ZNF90: variants seen among roughly 807,000 people sequenced by gnomAD.
ZNF90 encodes the protein zinc finger protein 90.
In ZNF90, 11 loss-of-function variants were observed where a neutral mutation model predicts 12.0. The observed-to-expected ratio is 0.92, with a 90% CI of 0.58 to 1.52. ZNF90 has a LOEUF of 1.52. Ranked by LOEUF, ZNF90 falls within the 40% of genes most tolerant of loss-of-function variation. ZNF90 has a pLI of 0.00. For synonymous variants in ZNF90, 232 were observed against 240.1 expected (o/e 0.97, Z 0.31); for missense variants, 765 against 711.5 (o/e 1.08, Z -0.86).
intron 3 of ZNF90, among the ~76,000 whole-genome samples, chr19:20,106,001 C>T (rs1317551644): frequency 1.4e-5 from 2 of 139,180 alleles, no homozygotes; most frequent in Non-Finnish European, 3.1e-5. Flanking sequence ...AATCTATAGA[C>T]ATAAAATATT....
chr19:20,119,581 G>A lies in ZNF90; in HGVS notation c.*221G>A. ...ATTCATACTGGACGGAAACTCTACA[G>A]GTGTGAAAAATGCAGCAAAGCCTAT... On this transcript the variant is annotated 3_prime_UTR_variant, in exon 4 of 4. Transcript: ENST00000418063. The A allele has an allele frequency of 2.1e-6, 1 of 467,552 alleles. No homozygotes were observed. The highest frequency in any genetic ancestry group is 3.7e-6 in the Non-Finnish European group (1 of 269,606). The allele number at this position is 467,552 out of a possible 1,614,324, so 29.0% of individuals were successfully genotyped here.
At chr19:20,110,904 T>A (rs1045279187) in intron 3 of ZNF90, among the ~76,000 whole-genome samples, 1 of 152,194 alleles carries the variant, frequency 6.6e-6, no homozygotes, top group Admixed American at 6.5e-5. Context: ...AAGGGTTGTT[T>A]ATATATTTTG....
intron 2 of ZNF90, among the ~76,000 whole-genome samples, chr19:20,104,987 C>T (rs77742156): frequency 0.033 from 5,031 of 151,888 alleles, 261 homozygotes; most frequent in East Asian, 0.23. Flanking sequence ...AGAGAAACTC[C>T]GTCTGAAAAA....
intron 1 of ZNF90, chr19:20,079,892 G>GGGA: frequency 2.4e-6 from 1 of 422,698 alleles, no homozygotes; most frequent in Non-Finnish European, 4.7e-6. Context: ...GCTCCTTCGG[G>GGGA]AGACTGCTGA....
At chr19:20,114,618 C>CT (rs2122524071) in intron 3 of ZNF90, among the ~76,000 whole-genome samples, 1 of 152,140 alleles carries the variant, frequency 6.6e-6, no homozygotes, top group Non-Finnish European at 1.5e-5. Flanking sequence ...ATTTTATACT[C>CT]TAATTCCGTT....
chr19:20,113,643 C>T (rs1056034944), intron 3 of ZNF90, among the ~76,000 whole-genome samples: 25 of 152,018 alleles, frequency 1.6e-4, no homozygotes, highest in Non-Finnish European at 2.1e-4. Flanking sequence ...TCCTGGCTAA[C>T]ACGGTGAAAC....
chr19:20,104,173 T>A, intron 1 of ZNF90, 66 bp from the exon 2 acceptor site: 4 of 1,603,762 alleles, frequency 2.5e-6, no homozygotes, highest in Non-Finnish European at 3.4e-6. Context: ...TCACCTTAAC[T>A]CAAATTACAA....
intron 3 of ZNF90, among the ~76,000 whole-genome samples, chr19:20,115,412 T>TG (rs2089128439): frequency 7.4e-6 from 1 of 134,436 alleles, no homozygotes; most frequent in African/African-American, 3.3e-5. Context: ...CTCATTTTCC[T>TG]TTCTGTTTTT....
Position 20,118,866 on chromosome 19 carries a change from T to G in ZNF90, c.1312T>G (p.Ser438Ala). The G allele has an allele frequency of 1.9e-6, 3 of 1,609,190 alleles. No homozygotes were observed. The highest frequency in any genetic ancestry group is 1.7e-6 in the Non-Finnish European group (2 of 1,177,766). Residue 438 changes from serine (S) to alanine (A), a missense_variant, in exon 4 of 4, where the codon TCA becomes GCA. Ser to Ala is a moderately conservative substitution (Grantham distance 99). Coordinates refer to ENST00000418063, the MANE Select transcript of ZNF90 (RefSeq NM_007138.2). ...QECDKVFKRS[S>A]ALSTHKIIHS... ...ATGTGACAAAGTCTTCAAACGCTCC[T>G]CAGCCCTTAGCACACATAAGATAAT...
chr19:20,099,213 A>G (rs1080090), intron 1 of ZNF90, among the ~76,000 whole-genome samples: 25,567 of 151,736 alleles, frequency 0.17, 4,473 homozygotes, highest in African/African-American at 0.44. Flanking sequence ...TCACTGTGTC[A>G]CCCAGACTGG....
At chr19:20,116,856 C>G (rs956810019) in intron 3 of ZNF90, among the ~76,000 whole-genome samples, 1 of 151,834 alleles carries the variant, frequency 6.6e-6, no homozygotes, top group Non-Finnish European at 1.5e-5. Context: ...TCAGTAGACT[C>G]AAACTGTCAT....
chr19:20,084,343 C>T (rs2088843309), intron 1 of ZNF90, among the ~76,000 whole-genome samples: 1 of 152,150 alleles, frequency 6.6e-6, no homozygotes, highest in Admixed American at 6.5e-5. Context: ...AGGCATGAGC[C>T]ACTGCGCCAG....
intron 1 of ZNF90, among the ~76,000 whole-genome samples, chr19:20,082,513 G>C (rs996884730): frequency 6.6e-6 from 1 of 152,158 alleles, no homozygotes. Context: ...TCCACTCAAG[G>C]TTTAATGGAT....
intron 1 of ZNF90, among the ~76,000 whole-genome samples, chr19:20,078,769 T>C (rs2088797282): frequency 1.3e-5 from 2 of 152,066 alleles, no homozygotes; most frequent in Non-Finnish European, 2.9e-5. Context: ...TCAGCTTAGA[T>C]TGTGCGGTCT....
intron 3 of ZNF90, among the ~76,000 whole-genome samples, chr19:20,112,920 T>C (rs2089102407): frequency 6.6e-6 from 1 of 152,176 alleles, no homozygotes; most frequent in Non-Finnish European, 1.5e-5. Flanking sequence ...TTTTTGCAAT[T>C]TAATATTTTT....
chr19:20,088,875 G>A (rs2088880185), intron 1 of ZNF90, among the ~76,000 whole-genome samples: 2 of 152,208 alleles, frequency 1.3e-5, no homozygotes, highest in Admixed American at 6.5e-5. Context: ...ACCATCAAGG[G>A]AATTAGTGGA....
rs192918345 is a variant in ZNF90 at position 20,092,634 on chromosome 19, A to G, written c.4-11605A>G. On this transcript the variant is annotated intron_variant, in intron 1 of 3. Coordinates refer to ENST00000418063, the MANE Select transcript of ZNF90 (RefSeq NM_007138.2). ...GCAAAACCAGGTATCCAAAGGTGAA[A>G]GTATCCAACCATGCCGAGGAAGGAA... Among the ~76,000 whole-genome samples the G allele has an allele frequency of 4.6e-5, 7 of 152,310 alleles. No homozygotes were observed. In the East Asian group the frequency reaches 1.4e-3, roughly 29 times the overall value.
Position 20,113,684 on chromosome 19 carries a change from C to T in ZNF90, c.227-4097C>T, listed in dbSNP as rs1011885506. Among the ~76,000 whole-genome samples, 33 of 151,896 alleles carry T rather than the reference C, an allele frequency of 2.2e-4. 1 individual carries two copies. The highest frequency in any genetic ancestry group is 4.4e-5 in the Non-Finnish European group (3 of 67,996). ...TGTACTAAAAATACAAAAAATTCGC[C>T]GGGCGTGTTGGCGGGCGCTTATAGT... On this transcript the variant is annotated intron_variant, in intron 3 of 3. Transcript: ENST00000418063.
intron 1 of ZNF90, among the ~76,000 whole-genome samples, chr19:20,084,983 C>G (rs1555701895): frequency 1.3e-5 from 2 of 152,106 alleles, no homozygotes. Context: ...CTCATGAAGT[C>G]TTTCCCAGTT....
Sources: gnomAD v4.1 joint callset for allele counts (sites outside exome capture counted in the v4.1 genomes callset) on GRCh38, gnomAD v4.1.1 for gene constraint, MANE v1.5 for transcripts, NCBI Gene and HGNC (gene_info 2026-07-23, HGNC 2026-07-21) for gene names.